Variants in SYT1 observed in about 807,000 individuals in gnomAD.
The protein encoded by SYT1 is synaptotagmin 1, also known as synaptotagmin-1.
In SYT1, 8 loss-of-function variants were observed where a neutral mutation model predicts 44.8. That is an observed-to-expected ratio of 0.18 (90% CI 0.10 to 0.32). The LOEUF is 0.32. Among genes scored for constraint, SYT1 ranks in the 10% least tolerant of loss-of-function variants. The pLI, the probability that SYT1 is intolerant of heterozygous loss-of-function variation, is 1.00. For synonymous variants in SYT1, 154 were observed against 188.8 expected, an observed-to-expected ratio of 0.82 and a Z score of 1.51; for missense variants, 286 against 509.3, an observed-to-expected ratio of 0.56 and a Z score of 4.22.
chr12:79,368,840 C>CACA (rs562936052), intron 9 of SYT1, among the ~76,000 whole-genome samples: 118 of 152,226 alleles, frequency 7.8e-4, no homozygotes, highest in Middle Eastern at 3.4e-3. Flanking sequence ...TTCTCCCATT[C>CACA]TGTAGGTTGC....
chr12:79,080,409 A>G (rs1381164294), intron 3 of SYT1, among the ~76,000 whole-genome samples: 1 of 152,174 alleles, frequency 6.6e-6, no homozygotes, highest in Non-Finnish European at 1.5e-5. Flanking sequence ...TTTAATGATT[A>G]TTAATTAACC....
chr12:78,959,120 G>A (rs1879368595), intron 1 of SYT1, among the ~76,000 whole-genome samples: 1 of 152,070 alleles, frequency 6.6e-6, no homozygotes, highest in Non-Finnish European at 1.5e-5. Context: ...CTGGAAATTT[G>A]AGAAGCTACC....
chr12:79,411,145 G>T (rs1426863061), intron 9 of SYT1, among the ~76,000 whole-genome samples: 1 of 152,162 alleles, frequency 6.6e-6, no homozygotes, highest in African/African-American at 2.4e-5. Flanking sequence ...CTGACATGGG[G>T]TCTTCATCTA....
intron 1 of SYT1, among the ~76,000 whole-genome samples, chr12:78,947,800 A>G (rs1466199334): frequency 6.6e-6 from 1 of 151,946 alleles, no homozygotes; most frequent in Non-Finnish European, 1.5e-5. Flanking sequence ...GATTGTTTAA[A>G]AAAAAAAGAT....
chr12:78,886,617 T>A (rs1338996321), intron 1 of SYT1, among the ~76,000 whole-genome samples: 2 of 152,040 alleles, frequency 1.3e-5, no homozygotes, highest in Non-Finnish European at 2.9e-5. Context: ...CTGATGTTTT[T>A]AATACACAGT....
chr12:79,087,143 T>C (rs1341529869), intron 3 of SYT1, among the ~76,000 whole-genome samples: 1 of 152,172 alleles, frequency 6.6e-6, no homozygotes, highest in African/African-American at 2.4e-5. Context: ...GTCTTTGTTT[T>C]GAATTAAGTT....
At chr12:79,144,331 A>G (rs993803727) in intron 3 of SYT1, among the ~76,000 whole-genome samples, 1 of 152,202 alleles carries the variant, frequency 6.6e-6, no homozygotes, top group African/African-American at 2.4e-5. Flanking sequence ...AAAATATAAT[A>G]GAGAACAGAG....
intron 1 of SYT1, among the ~76,000 whole-genome samples, chr12:78,876,898 T>A (rs11111701): frequency 0.039 from 647 of 16,694 alleles, 7 homozygotes; most frequent in South Asian, 0.13. Context: ...TAATATATAT[T>A]ATATATTATA....
intron 8 of SYT1, among the ~76,000 whole-genome samples, chr12:79,338,066 A>G (rs1052327423): frequency 6.6e-6 from 1 of 152,100 alleles, no homozygotes; most frequent in African/African-American, 2.4e-5. Flanking sequence ...GCCATCCCCA[A>G]ACTGTTCTCC....
chr12:78,959,515 A>G (rs1202085797), intron 1 of SYT1, among the ~76,000 whole-genome samples: 1 of 152,176 alleles, frequency 6.6e-6, no homozygotes, highest in African/African-American at 2.4e-5. Flanking sequence ...TCACAAAAAC[A>G]TTGTTTATGA....
intron 1 of SYT1, among the ~76,000 whole-genome samples, chr12:78,905,654 T>G (rs1875936707): frequency 6.6e-6 from 1 of 152,154 alleles, no homozygotes; most frequent in Non-Finnish European, 1.5e-5. Flanking sequence ...TTTCTTACTG[T>G]TGTTTATTTT....
rs187836955 is a variant in SYT1 at position 79,245,662 on chromosome 12, C to T, written c.166+27977C>T. On this transcript the variant is annotated intron_variant, in intron 4 of 10. Transcript: ENST00000261205. ...TTGTTAATTCTGAGACCAAAGCAAG[C>T]TGTTCTGGGGAGCAACTCAGGGGAA... is the stretch of plus-strand genomic sequence containing the variant. Among the ~76,000 whole-genome samples, 16 of 152,080 alleles carry T rather than the reference C, an allele frequency of 1.1e-4. No individual in the cohort carries two copies. The East Asian group carries it at 2.9e-3, about 28-fold the overall frequency.
chr12:78,931,326 AG>A (rs1877706685), intron 1 of SYT1, among the ~76,000 whole-genome samples: 1 of 28,564 alleles, frequency 3.5e-5, no homozygotes, highest in African/African-American at 2.0e-4. Context: ...GGAGGGAGGG[AG>A]GGAGGGAGGG....
At chr12:79,297,849 A>T (rs1453674340) in intron 7 of SYT1, among the ~76,000 whole-genome samples, 1 of 152,168 alleles carries the variant, frequency 6.6e-6, no homozygotes, top group African/African-American at 2.4e-5. Flanking sequence ...CTTAACAGGA[A>T]CTCAACATGC....
intron 1 of SYT1, among the ~76,000 whole-genome samples, chr12:78,944,049 T>C (rs1469583039): frequency 2.6e-5 from 4 of 152,262 alleles, no homozygotes; most frequent in Admixed American, 2.6e-4. Context: ...CAGAAACTTA[T>C]ACCTTTTGGT....
At chr12:79,284,226 A>G (rs1266080150) in intron 4 of SYT1, among the ~76,000 whole-genome samples, 1 of 152,046 alleles carries the variant, frequency 6.6e-6, no homozygotes, top group Non-Finnish European at 1.5e-5. Flanking sequence ...CTTATTTTTT[A>G]TAAGCACATG....
rs374701745 is a variant in SYT1, at chr12:79,048,949, G to A, written c.-18+1587G>A. Among the ~76,000 whole-genome samples, 7 of 151,854 alleles carry A rather than the reference G, an allele frequency of 4.6e-5. No individual in the cohort carries two copies. The South Asian group carries it at 8.3e-4, about 18-fold the overall frequency. ...AAAGACTAGACTGTCTTAAAGTTTT[G>A]TTTTTATATATATAATTCTGTTTCT... On this transcript the variant is annotated intron_variant, in intron 3 of 10. Coordinates refer to ENST00000261205, the MANE Select transcript of SYT1 (RefSeq NM_005639.3).
intron 3 of SYT1, among the ~76,000 whole-genome samples, chr12:79,062,831 G>A (rs754828887): frequency 2.0e-5 from 3 of 152,118 alleles, no homozygotes; most frequent in Non-Finnish European, 4.4e-5. Context: ...TTTATCGAAT[G>A]CCTACCATCT....
At chr12:79,140,867 CA>C (rs909354791) in intron 3 of SYT1, among the ~76,000 whole-genome samples, 13 of 152,074 alleles carry the variant, frequency 8.5e-5, no homozygotes, top group Admixed American at 2.6e-4. Context: ...TTGCTTCCCT[CA>C]AAAAAACCAC....
Sources: allele counts gnomAD v4.1 joint callset (sites outside exome capture counted in the v4.1 genomes callset), GRCh38; gene constraint gnomAD v4.1.1; transcripts MANE v1.5; gene names NCBI Gene and HGNC (gene_info 2026-07-23, HGNC 2026-07-21).